The following TAFA5 variants were observed in gnomAD, a reference collection of about 807,000 sequenced individuals.
The protein encoded by TAFA5 is TAFA chemokine like family member 5.
In TAFA5, 6 loss-of-function variants were observed where a neutral mutation model predicts 15.3. The ratio of observed to expected loss-of-function variants is 0.39; its 90% confidence interval spans 0.21 to 0.77. The LOEUF is 0.77. TAFA5 is among the 30% of genes least tolerant of loss of function. The probability of loss-of-function intolerance (pLI) is 0.41; values close to 1 mark genes in which losing one functional copy is unlikely to be tolerated. For synonymous variants in TAFA5, 103 were observed against 80.7 expected (o/e 1.28, Z -1.48); for missense variants, 161 against 193.1 (o/e 0.83, Z 0.98).
intron 1 of TAFA5, among the ~76,000 whole-genome samples, chr22:48,549,918 T>C (rs1001981198): frequency 6.6e-6 from 1 of 152,240 alleles, no homozygotes; most frequent in Non-Finnish European, 1.5e-5. Flanking sequence ...TGGGTGTTCA[T>C]TGCCAGCTTG....
intron 1 of TAFA5, among the ~76,000 whole-genome samples, chr22:48,625,599 T>A (rs1292928356): frequency 6.6e-6 from 1 of 152,198 alleles, no homozygotes; most frequent in South Asian, 2.1e-4. Context: ...ACCGGGGAGC[T>A]CCTTTTCTCC....
In TAFA5 at chr22:48,750,283, G is replaced by A. The variant is rs1321714467; in HGVS notation, c.*436G>A. The A allele has an allele frequency of 1.5e-5, 3 of 206,814 alleles. No individual in the cohort carries two copies. The highest frequency in any genetic ancestry group is 2.3e-5 in the African/African-American group (1 of 43,014). 12.8% of individuals were successfully genotyped at this position (206,814 alleles called of 1,614,324 possible). Reference sequence around the variant, plus strand: ...CCTCCTCCCGTGCCCCAGACTGTCCGAATTGCTTTTATTTTCTTATACTTT... The same window carrying A: ...CCTCCTCCCGTGCCCCAGACTGTCCAAATTGCTTTTATTTTCTTATACTTT... On this transcript the variant is annotated 3_prime_UTR_variant, in exon 4 of 4. Transcript: ENST00000402357.
At chr22:48,526,031 G>A (rs1450072256) in intron 1 of TAFA5, among the ~76,000 whole-genome samples, 1 of 152,246 alleles carries the variant, frequency 6.6e-6, no homozygotes, top group African/African-American at 2.4e-5. Flanking sequence ...AGCCTTGGCA[G>A]GTTTCACGGA....
intron 1 of TAFA5, among the ~76,000 whole-genome samples, chr22:48,604,389 A>C (rs999503030): frequency 2.0e-5 from 3 of 152,096 alleles, no homozygotes; most frequent in African/African-American, 7.2e-5. Context: ...GTGTTTTCTC[A>C]TGGTGTTCCA....
At chr22:48,545,943 G>A (rs963006235) in intron 1 of TAFA5, among the ~76,000 whole-genome samples, 5 of 152,144 alleles carry the variant, frequency 3.3e-5, no homozygotes, top group Admixed American at 3.3e-4. Context: ...CCTGGGGAAG[G>A]GGAGTGCCAG....
rs868165731 is a variant in TAFA5 at position 48,563,573 on chromosome 22, C to T, written c.112+73869C>T. On this transcript the variant is annotated intron_variant, in intron 1 of 3. Transcript: ENST00000402357. ...TGCATCTGCCATCTGAGAAGGGGCT[C>T]TTGCTGCTGCCGGGCAGGCATGGGT... 3.9e-5 allele frequency among the ~76,000 whole-genome samples: 6 copies of T among 152,228 alleles called. No individual in the cohort carries two copies. The South Asian group carries it at 1.2e-3, about 31-fold the overall frequency.
At chr22:48,606,095 C>T (rs371684707) in intron 1 of TAFA5, among the ~76,000 whole-genome samples, 10 of 152,196 alleles carry the variant, frequency 6.6e-5, no homozygotes, top group African/African-American at 2.4e-4. Flanking sequence ...TGCCACGTGA[C>T]TGCTGGTGCA....
Position 48,489,615 on chromosome 22 carries a change from G to C in TAFA5, c.23G>C (p.Gly8Ala). Residue 8 changes from glycine to alanine, a missense_variant, in exon 1 of 4, where the codon GGC (glycine) becomes GCC (alanine). Physicochemically the swap from Gly to Ala is moderately conservative, Grantham distance 60 (BLOSUM62 0). Transcript: ENST00000402357. The surrounding 1 kb of genome is among the most constrained non-coding windows in gnomAD (Gnocchi z 5.5). MAPSPRTGSRQDATALPS... is the reference protein window; with the variant it reads MAPSPRTASRQDATALPS... ...TCAATGGCGCCATCGCCCAGGACCGGCAGCCGGCAAGATGCGACCGCCCTG... is the reference window on the plus strand; with the variant it reads ...TCAATGGCGCCATCGCCCAGGACCGCCAGCCGGCAAGATGCGACCGCCCTG... 6.7e-7 allele frequency: 1 copy of C among 1,502,116 alleles called. No homozygotes were observed. The highest frequency in any genetic ancestry group is 8.9e-7 in the Non-Finnish European group (1 of 1,123,294). The allele number at this position is 1,502,116 out of a possible 1,614,324, so 93.0% of individuals were successfully genotyped here.
At chr22:48,536,326 C>A (rs1382266699) in intron 1 of TAFA5, among the ~76,000 whole-genome samples, 1 of 152,246 alleles carries the variant, frequency 6.6e-6, no homozygotes, top group Non-Finnish European at 1.5e-5. Flanking sequence ...TTCCTCTCGG[C>A]AAGCCGGGAA....
At chr22:48,667,153 G>A (rs1462877066) in intron 2 of TAFA5, among the ~76,000 whole-genome samples, 4 of 152,118 alleles carry the variant, frequency 2.6e-5, no homozygotes, top group Non-Finnish European at 5.9e-5. Flanking sequence ...AGCTTTTCCA[G>A]GGGCAGCACA....
chr22:48,740,772 G>A (rs565829214), intron 3 of TAFA5, among the ~76,000 whole-genome samples: 21 of 152,266 alleles, frequency 1.4e-4, no homozygotes, highest in Admixed American at 2.6e-4. Flanking sequence ...ATGTGGCCTC[G>A]CAGGGTCTGC....
At chr22:48,498,502 T>C (rs1178121253) in intron 1 of TAFA5, among the ~76,000 whole-genome samples, 1 of 152,118 alleles carries the variant, frequency 6.6e-6, no homozygotes, top group Non-Finnish European at 1.5e-5. Context: ...TTCTCGTTGC[T>C]AGAGTGGAAA....
chr22:48,692,827 A>G (rs1357000096), intron 2 of TAFA5, among the ~76,000 whole-genome samples: 1 of 152,236 alleles, frequency 6.6e-6, no homozygotes, highest in African/African-American at 2.4e-5. Context: ...GTGTGTCCTC[A>G]GTCACCGACC....
At position 48,681,948 on chromosome 22, in the gene TAFA5, G is replaced by A. The variant is rs1339730777; in HGVS notation, c.263-25769G>A. Among the ~76,000 whole-genome samples the A allele has an allele frequency of 5.1e-5, 6 of 118,328 alleles. 2 individuals are homozygous for A. The highest frequency in any genetic ancestry group is 1.0e-4 in the Non-Finnish European group (5 of 48,590). The allele number at this position is 118,328 out of a possible 152,430, so 77.6% of individuals were successfully genotyped here. On this transcript the variant is annotated intron_variant, in intron 2 of 3. Transcript: ENST00000402357. ...GTCCTAGGAGCTGTGGAGTCTTTGC[G>A]AGGGTACGGGAGCTCCCCGTCAAGC...
At chr22:48,676,539 A>G (rs1927976597) in intron 2 of TAFA5, among the ~76,000 whole-genome samples, 1 of 152,216 alleles carries the variant, frequency 6.6e-6, no homozygotes, top group African/African-American at 2.4e-5. Flanking sequence ...TCAGGAGTCT[A>G]CACGGCTCCC....
chr22:48,666,606 CACA>C (rs1254802624), intron 2 of TAFA5, among the ~76,000 whole-genome samples: 1 of 52,952 alleles, frequency 1.9e-5, no homozygotes, highest in African/African-American at 8.3e-5. Context: ...AGCCAGCATC[CACA>C]GTGTACACTG....
intron 2 of TAFA5, among the ~76,000 whole-genome samples, chr22:48,656,634 A>G (rs921511766): frequency 6.6e-6 from 1 of 152,094 alleles, no homozygotes; most frequent in Admixed American, 6.6e-5. Flanking sequence ...AAGAAAGACA[A>G]TAATAAAGAT....
At chr22:48,732,547 G>C (rs931744634) in intron 3 of TAFA5, among the ~76,000 whole-genome samples, 1 of 152,144 alleles carries the variant, frequency 6.6e-6, no homozygotes, top group Non-Finnish European at 1.5e-5. Flanking sequence ...GAGCCACCAC[G>C]CCTGGCCAGA....
intron 1 of TAFA5, among the ~76,000 whole-genome samples, chr22:48,542,652 T>TGG (rs1922492704): frequency 7.9e-6 from 1 of 125,914 alleles, no homozygotes; most frequent in African/African-American, 3.1e-5. Flanking sequence ...GTGTGTGTGG[T>TGG]GTGTGTGTGG....
Sources: allele counts gnomAD v4.1 joint callset (sites outside exome capture counted in the v4.1 genomes callset), GRCh38; gene constraint gnomAD v4.1.1; non-coding constraint Gnocchi (gnomAD v3.1); transcripts MANE v1.5; gene names NCBI Gene and HGNC (gene_info 2026-07-23, HGNC 2026-07-21).